LATS2: variants seen among roughly 807,000 people sequenced by gnomAD.
LATS2 encodes the protein large tumor suppressor kinase 2, also known as serine/threonine-protein kinase LATS2.
LATS2 carries 24 observed loss-of-function variants against 76.0 expected under a neutral mutation model. That is an observed-to-expected ratio of 0.32 (90% CI 0.23 to 0.44). The LOEUF (loss-of-function observed/expected upper bound fraction) is 0.44, where lower values mean the gene tolerates loss of function less well. LATS2 is among the 20% of genes least tolerant of loss of function. The pLI is 1.00. For missense variants in LATS2, 1,286 were observed against 1,481.2 expected, an observed-to-expected ratio of 0.87 and a Z score of 2.16; for synonymous variants, 692 against 635.4, an observed-to-expected ratio of 1.09 and a Z score of -1.34.
chr13:20,973,595 T>G lies in LATS2; in HGVS notation c.*1275A>C, dbSNP rs555897956. 6.1e-4 allele frequency: 141 copies of G among 232,724 alleles called. 1 individual carries two copies. The highest frequency in any genetic ancestry group is 3.0e-3 in the African/African-American group (135 of 45,436). 14.4% of individuals were successfully genotyped at this position (232,724 alleles called of 1,614,324 possible). A position where few individuals can be genotyped will look rare whatever the true frequency, so the allele number is the denominator to read the frequency against. On this transcript the variant is annotated 3_prime_UTR_variant, in exon 8 of 8. Coordinates refer to ENST00000382592, the MANE Select transcript of LATS2 (RefSeq NM_014572.3). ...ACGTATGGCTTACTTTTTATTTCAA[T>G]GTCATTTTGAAGAATCTTTGCTTTT...
rs1439617352 is a variant in LATS2 at position 20,991,106 on chromosome 13, C to T, written c.475+166G>A. 1.3e-5 allele frequency among the ~76,000 whole-genome samples: 2 copies of T among 152,252 alleles called. No homozygotes were observed. Among genetic ancestry groups the T allele is most frequent in the African/African-American group, 4.8e-5 (2 of 41,482 alleles). ...TGGGGCTGCTCCCGCCAGGGCCTGACTCTGTCAGGGCAGGGCAGGCTCAGC... is the reference window on the plus strand; with the variant it reads ...TGGGGCTGCTCCCGCCAGGGCCTGATTCTGTCAGGGCAGGGCAGGCTCAGC... On this transcript the variant is annotated intron_variant, in intron 3 of 7. Transcript: ENST00000382592. The surrounding 1 kb of genome is among the most constrained non-coding windows in gnomAD (Gnocchi z 4.9).
At chr13:21,035,081 C>CCAAA (rs1013062165) in intron 2 of LATS2, among the ~76,000 whole-genome samples, 18 of 151,690 alleles carry the variant, frequency 1.2e-4, no homozygotes, top group African/African-American at 3.9e-4. Flanking sequence ...CAAGAACAAA[C>CCAAA]CAAACAAAAC....
At chr13:21,029,536 T>C (rs536775730) in intron 2 of LATS2, among the ~76,000 whole-genome samples, 7 of 152,242 alleles carry the variant, frequency 4.6e-5, no homozygotes, top group Non-Finnish European at 1.0e-4. Flanking sequence ...CTCATGCCTG[T>C]AATCCCAGGA....
intron 2 of LATS2, among the ~76,000 whole-genome samples, chr13:21,009,340 C>T (rs1166952159): frequency 6.6e-6 from 1 of 152,246 alleles, no homozygotes; most frequent in Non-Finnish European, 1.5e-5. Context: ...CATCTCTCCC[C>T]GACACCTGCT....
chr13:20,981,033 C>T (rs1238677165), intron 6 of LATS2, among the ~76,000 whole-genome samples: 2 of 152,240 alleles, frequency 1.3e-5, no homozygotes, highest in African/African-American at 4.8e-5. Flanking sequence ...GAAAAAGGAT[C>T]TTCCAACGCT....
chr13:21,047,469 G>A (rs923471360), intron 1 of LATS2, among the ~76,000 whole-genome samples: 44 of 152,284 alleles, frequency 2.9e-4, no homozygotes, highest in African/African-American at 8.7e-4. Context: ...ACCCCACACC[G>A]TGCCAAAGCC....
Position 20,991,515 on chromosome 13 carries a change from T to C in LATS2, c.343-111A>G, listed in dbSNP as rs1870506034. Reference sequence around the variant, plus strand: ...GTGCTGGGACACTTCGCCTCTGTACTGCTGAGAACCTGCGATATGCTGCAG... The same window carrying C: ...GTGCTGGGACACTTCGCCTCTGTACCGCTGAGAACCTGCGATATGCTGCAG... On this transcript the variant is annotated intron_variant, in intron 2 of 7. Transcript: ENST00000382592. This position sits in a 1 kb window ranked among gnomAD's most constrained non-coding sequence, Gnocchi z 4.9. 8.0e-7 allele frequency: 1 copy of C among 1,248,112 alleles called. No individual in the cohort carries two copies. Among genetic ancestry groups the C allele is most frequent in the Non-Finnish European group, 1.1e-6 (1 of 885,370 alleles). The allele number at this position is 1,248,112 out of a possible 1,614,324, so 77.3% of individuals were successfully genotyped here.
chr13:21,044,262 G>A (rs76638664), intron 2 of LATS2, among the ~76,000 whole-genome samples: 5,495 of 152,216 alleles, frequency 0.036, 351 homozygotes, highest in African/African-American at 0.12. Context: ...TCTATTTAAG[G>A]TCTATGGTAA....
At chr13:20,976,460 A>G (rs1320973774) in intron 7 of LATS2, among the ~76,000 whole-genome samples, 1 of 152,242 alleles carries the variant, frequency 6.6e-6, no homozygotes, top group East Asian at 1.9e-4. Flanking sequence ...CTGCATAAAA[A>G]TTTAAAACTT....
chr13:20,975,365 C>T lies in LATS2; in HGVS notation c.2773-1G>A. ...GGAGCGTGTTCTCCCAGTTGATCACCTGAGGAAACAACAGAGCCAACAGGT... is the reference window on the plus strand; with the variant it reads ...GGAGCGTGTTCTCCCAGTTGATCACTTGAGGAAACAACAGAGCCAACAGGT... On this transcript the variant is annotated splice_acceptor_variant, in intron 7 of 7. Coordinates refer to ENST00000382592, the MANE Select transcript of LATS2 (RefSeq NM_014572.3). LOFTEE classifies it high-confidence loss of function. 1 of 1,546,922 alleles carries T rather than the reference C, an allele frequency of 6.5e-7. No individual in the cohort carries two copies. The highest frequency in any genetic ancestry group is 8.7e-7 in the Non-Finnish European group (1 of 1,147,876).
chr13:20,988,376 C>T lies in LATS2; in HGVS notation c.1404G>A (p.Ala468=). The part of the protein sequence containing the change: ...VGPSHPAWVP[A]PAPAPAPAPA... ...GGGCGGGGGCGGGGGCCGGGGCAGG[C>T]GCGGGCACCCAGGCGGGGTGCGAGG... The change falls in exon 4 of 8, where the codon GCG becomes GCA. Residue 468 remains alanine, a synonymous_variant. Coordinates refer to ENST00000382592, the MANE Select transcript of LATS2 (RefSeq NM_014572.3). 1.7e-6 allele frequency: 2 copies of T among 1,208,982 alleles called. No individual in the cohort carries two copies. The highest frequency in any genetic ancestry group is 1.1e-6 in the Non-Finnish European group (1 of 941,362). 74.9% of individuals were successfully genotyped at this position (1,208,982 alleles called of 1,614,324 possible). A position where few individuals can be genotyped will look rare whatever the true frequency, so the allele number is the denominator to read the frequency against.
intron 2 of LATS2, among the ~76,000 whole-genome samples, chr13:21,003,002 C>G (rs1871115099): frequency 6.6e-6 from 1 of 152,154 alleles, no homozygotes; most frequent in African/African-American, 2.4e-5. Flanking sequence ...TGCACCTGGC[C>G]TATTTTATCT....
At chr13:20,979,939 G>C (rs1425106254) in intron 6 of LATS2, 142 bp from the exon 7 acceptor site, 2 of 446,124 alleles carry the variant, frequency 4.5e-6, no homozygotes, top group Non-Finnish European at 8.0e-6. Flanking sequence ...ATGGACCTAT[G>C]TAAGTACCTG....
At chr13:21,056,380 G>C (rs747289564) in intron 1 of LATS2, among the ~76,000 whole-genome samples, 6 of 151,928 alleles carry the variant, frequency 3.9e-5, no homozygotes, top group Non-Finnish European at 8.8e-5. Flanking sequence ...CGGGGAAAAA[G>C]ACACCATCAC....
At chr13:20,975,817 G>A (rs897445767) in intron 7 of LATS2, among the ~76,000 whole-genome samples, 1 of 152,102 alleles carries the variant, frequency 6.6e-6, no homozygotes, top group African/African-American at 2.4e-5. Context: ...CCGAGTAGCT[G>A]GGATTACAGG....
chr13:21,041,132 C>T (rs968980541), intron 2 of LATS2, among the ~76,000 whole-genome samples: 1 of 152,100 alleles, frequency 6.6e-6, no homozygotes, highest in African/African-American at 2.4e-5. Flanking sequence ...GCCACCATGC[C>T]CGGCTAATTT....
rs143449172 is a variant in LATS2, at chr13:21,044,320, T to C, written c.342+1365A>G. ...TGGTTTTGGAAATAACAAATAACAC[T>C]GTTAGCCTTTTCCTATGACTGCAAC... On this transcript the variant is annotated intron_variant, in intron 2 of 7. Transcript: ENST00000382592. 4.7e-3 allele frequency among the ~76,000 whole-genome samples: 711 copies of C among 152,314 alleles called. 3 individuals are homozygous for C. Among genetic ancestry groups the C allele is most frequent in the Non-Finnish European group, 6.4e-3 (436 of 68,022 alleles).
rs1421639293 is a variant in LATS2, at chr13:21,045,796, C to G, written c.231G>C (p.Leu77Phe). 5.6e-6 allele frequency: 9 copies of G among 1,614,110 alleles called. No individual in the cohort carries two copies. Among genetic ancestry groups the G allele is most frequent in the African/African-American group, 1.3e-5 (1 of 74,936 alleles). The change falls in exon 2 of 8, where the codon TTG becomes TTC. Residue 77 changes from leucine (L) to phenylalanine (F), a missense_variant. Transcript: ENST00000382592. ...GCAACAAGGAATATCTGATTTCCCT[C>G]AAGGCTTTCTGATAAGGTCCGAACT... is the stretch of plus-strand genomic sequence containing the variant. ...TPKFGPYQKA[L>F]REIRYSLLPF...
Position 20,988,013 on chromosome 13 carries a change from CTT to C in LATS2, c.1765_1766del (p.Lys589GlufsTer14). The C allele has an allele frequency of 6.2e-7, 1 of 1,614,272 alleles. No individual in the cohort carries two copies. Among genetic ancestry groups the C allele is most frequent in the Non-Finnish European group, 8.5e-7 (1 of 1,180,050 alleles). Reference protein sequence around the residue: ...PVRKNSRDEEKRESRIKSYSP... With the variant: ...PVRKNSRDEEXRESRIKSYSP... ...AGTAGCTCTTGATGCGTGACTCTCT[CTT>C]CTCTTCGTCTCTGCTGTTTTTGCGG... On this transcript the variant is annotated frameshift_variant, in exon 4 of 8. Coordinates refer to ENST00000382592, the MANE Select transcript of LATS2 (RefSeq NM_014572.3). LOFTEE classifies it high-confidence loss of function.
Sources: allele counts gnomAD v4.1 joint callset (sites outside exome capture counted in the v4.1 genomes callset), GRCh38; gene constraint gnomAD v4.1.1; non-coding constraint Gnocchi (gnomAD v3.1); transcripts MANE v1.5; gene names NCBI Gene and HGNC (gene_info 2026-07-23, HGNC 2026-07-21).